Variants in GPC6 observed in about 807,000 individuals in gnomAD.
GPC6 encodes the protein glypican 6, also known as glypican-6.
GPC6 carries 14 observed loss-of-function variants against 55.2 expected under a neutral mutation model. That is an observed-to-expected ratio of 0.25 (90% CI 0.17 to 0.40). GPC6 has a LOEUF of 0.40. GPC6 is among the 10% of genes least tolerant of loss of function. The probability of loss-of-function intolerance (pLI) is 1.00; values close to 1 mark genes in which losing one functional copy is unlikely to be tolerated. For synonymous variants in GPC6, 278 were observed against 259.6 expected, an observed-to-expected ratio of 1.07 and a Z score of -0.68; for missense variants, 641 against 708.5, an observed-to-expected ratio of 0.90 and a Z score of 1.08.
At chr13:93,897,870 T>G (rs906397846) in intron 3 of GPC6, among the ~76,000 whole-genome samples, 1 of 152,130 alleles carries the variant, frequency 6.6e-6, no homozygotes, top group African/African-American at 2.4e-5. Context: ...TTAATGTATT[T>G]ATTAGTTCAC....
At chr13:94,298,492 T>C (rs1875465478) in intron 5 of GPC6, among the ~76,000 whole-genome samples, 1 of 152,138 alleles carries the variant, frequency 6.6e-6, no homozygotes, top group African/African-American at 2.4e-5. Flanking sequence ...AGAGCCCAAG[T>C]TGTCTGCCAC....
At chr13:93,276,823 T>C (rs1360746563) in intron 1 of GPC6, among the ~76,000 whole-genome samples, 1 of 152,190 alleles carries the variant, frequency 6.6e-6, no homozygotes, top group Non-Finnish European at 1.5e-5. Context: ...CAGTCCATCC[T>C]GGAGCTTCTT....
intron 1 of GPC6, among the ~76,000 whole-genome samples, chr13:93,368,362 T>G (rs1014554303): frequency 8.7e-6 from 1 of 115,176 alleles, no homozygotes; most frequent in Non-Finnish European, 2.0e-5. Flanking sequence ...CCTTCCTTCC[T>G]TCCTTCCTTC....
At chr13:93,997,818 G>A (rs1881626157) in intron 3 of GPC6, among the ~76,000 whole-genome samples, 1 of 152,156 alleles carries the variant, frequency 6.6e-6, no homozygotes, top group Non-Finnish European at 1.5e-5. Context: ...TCTAAATGAG[G>A]AGACTGCAAG....
intron 7 of GPC6, among the ~76,000 whole-genome samples, chr13:94,396,077 G>A (rs1050058845): frequency 1.3e-5 from 2 of 152,188 alleles, no homozygotes; most frequent in Admixed American, 1.3e-4. Flanking sequence ...CCTCTCTGTG[G>A]TATCAGTTCT....
intron 2 of GPC6, among the ~76,000 whole-genome samples, chr13:93,630,449 A>G (rs372709983): frequency 4.6e-5 from 7 of 152,186 alleles, no homozygotes; most frequent in African/African-American, 1.7e-4. Flanking sequence ...ATTGCCAAGC[A>G]TACAGTAGGT....
chr13:93,819,096 G>A (rs1392293910), intron 2 of GPC6, among the ~76,000 whole-genome samples: 2 of 152,132 alleles, frequency 1.3e-5, no homozygotes, highest in Non-Finnish European at 2.9e-5. Context: ...ATTTTAATGG[G>A]CACCCTGGGT....
intron 1 of GPC6, among the ~76,000 whole-genome samples, chr13:93,329,406 T>C (rs1383909014): frequency 6.6e-6 from 1 of 152,208 alleles, no homozygotes; most frequent in Non-Finnish European, 1.5e-5. Context: ...GTTTTTTTCC[T>C]TTACAATTCA....
At chr13:93,674,056 G>A (rs1237620835) in intron 2 of GPC6, among the ~76,000 whole-genome samples, 1 of 152,044 alleles carries the variant, frequency 6.6e-6, no homozygotes, top group African/African-American at 2.4e-5. Flanking sequence ...GCAGCAGGGG[G>A]CAAGAAGCCA....
At chr13:93,550,284 T>C (rs1217561323) in intron 2 of GPC6, among the ~76,000 whole-genome samples, 1 of 152,176 alleles carries the variant, frequency 6.6e-6, no homozygotes, top group Non-Finnish European at 1.5e-5. Flanking sequence ...AGGGATATTT[T>C]GTTTAGGTTC....
At position 94,404,629 on chromosome 13, in the gene GPC6, A is replaced by C. The variant is rs770881376; in HGVS notation, c.*1412A>C. On this transcript the variant is annotated 3_prime_UTR_variant, in exon 9 of 9. Coordinates refer to ENST00000377047, the MANE Select transcript of GPC6 (RefSeq NM_005708.5). ...GTGTGCTTCAGCCTGGGTGCTCCAG[A>C]CTACACCAAACTCATGGGATGAGCC... is the stretch of plus-strand genomic sequence containing the variant. The C allele has an allele frequency of 6.6e-6, 1 of 152,326 alleles. No homozygotes were observed. Among genetic ancestry groups the C allele is most frequent in the Non-Finnish European group, 1.5e-5 (1 of 68,026 alleles). The allele number at this position is 152,326 out of a possible 1,614,324, so 9.4% of individuals were successfully genotyped here.
intron 4 of GPC6, among the ~76,000 whole-genome samples, chr13:94,158,659 A>G (rs1444627851): frequency 6.6e-6 from 1 of 152,156 alleles, no homozygotes; most frequent in Admixed American, 6.6e-5. Context: ...AATAAGAAGA[A>G]AAATAAGACA....
intron 2 of GPC6, among the ~76,000 whole-genome samples, chr13:93,589,825 C>T (rs568221836): frequency 5.9e-5 from 9 of 152,270 alleles, no homozygotes; most frequent in South Asian, 4.1e-4. Flanking sequence ...TTGCTTTGCT[C>T]AAAATTAATC....
At chr13:94,032,287 C>T (rs1323101362) in intron 4 of GPC6, among the ~76,000 whole-genome samples, 1 of 152,114 alleles carries the variant, frequency 6.6e-6, no homozygotes, top group Admixed American at 6.6e-5. Context: ...CAAACTATGA[C>T]AAAGTGTTAG....
intron 4 of GPC6, among the ~76,000 whole-genome samples, chr13:94,121,723 A>T (rs1184023469): frequency 6.6e-6 from 1 of 152,172 alleles, no homozygotes; most frequent in East Asian, 1.9e-4. Flanking sequence ...TAGGTTAGTC[A>T]TCCAGCTGAT....
chr13:93,642,263 C>T (rs1361125599), intron 2 of GPC6, among the ~76,000 whole-genome samples: 1 of 152,038 alleles, frequency 6.6e-6, no homozygotes, highest in Non-Finnish European at 1.5e-5. Flanking sequence ...TCTGTTTCTG[C>T]ACTAGTTCAC....
chr13:94,162,440 A>G (rs1228030964), intron 4 of GPC6, among the ~76,000 whole-genome samples: 1 of 152,156 alleles, frequency 6.6e-6, no homozygotes, highest in Non-Finnish European at 1.5e-5. Context: ...GTTTCTTCTC[A>G]TCTTTCTGTC....
At chr13:94,168,952 AC>A (rs1257579392) in intron 4 of GPC6, among the ~76,000 whole-genome samples, 1 of 152,066 alleles carries the variant, frequency 6.6e-6, no homozygotes, top group Non-Finnish European at 1.5e-5. Flanking sequence ...GGAAGGCATT[AC>A]CCTCCGTGGG....
chr13:93,614,469 G>A (rs978320931), intron 2 of GPC6, among the ~76,000 whole-genome samples: 1 of 152,100 alleles, frequency 6.6e-6, no homozygotes, highest in African/African-American at 2.4e-5. Context: ...TTTCTCATCT[G>A]CAAATCAGGT....
Sources: allele counts gnomAD v4.1 joint callset (sites outside exome capture counted in the v4.1 genomes callset), GRCh38; gene constraint gnomAD v4.1.1; transcripts MANE v1.5; gene names NCBI Gene and HGNC (gene_info 2026-07-23, HGNC 2026-07-21).